The following RARB variants were observed in gnomAD, a reference collection of about 807,000 sequenced individuals.
The protein encoded by RARB is HBV-activated protein.
In RARB, 17 loss-of-function variants were observed where a neutral mutation model predicts 51.9. The ratio of observed to expected loss-of-function variants is 0.33; its 90% CI spans 0.22 to 0.49. The LOEUF (loss-of-function observed/expected upper bound fraction) is 0.49, where lower values mean the gene tolerates loss of function less well. Among genes scored for constraint, RARB ranks in the 20% least tolerant of loss-of-function variants. The probability of loss-of-function intolerance (pLI) is 0.99; values close to 1 mark genes in which losing one functional copy is unlikely to be tolerated. For missense variants in RARB, 369 were observed against 550.8 expected (o/e 0.67, Z 3.30); for synonymous variants, 215 against 195.4 (o/e 1.10, Z -0.84).
intron 5 of RARB, among the ~76,000 whole-genome samples, chr3:25,216,709 T>A (rs1474678036): frequency 6.6e-6 from 1 of 151,728 alleles, no homozygotes; most frequent in Non-Finnish European, 1.5e-5. Flanking sequence ...GTTTTTTTTT[T>A]AGAAGAAACA....
chr3:25,011,263 C>T (rs4241542), intron 2 of RARB, among the ~76,000 whole-genome samples: 92,496 of 151,886 alleles, frequency 0.61, 29,250 homozygotes, highest in African/African-American at 0.78. Context: ...TGCGGAGTTA[C>T]AAAGCAGATC....
chr3:25,071,662 G>A (rs979865552), intron 3 of RARB, among the ~76,000 whole-genome samples: 7 of 152,296 alleles, frequency 4.6e-5, no homozygotes, highest in Admixed American at 1.3e-4. Context: ...AATGAATTAT[G>A]GAATGCTGAT....
At chr3:25,360,740 C>T (rs1705906582) in intron 5 of RARB, among the ~76,000 whole-genome samples, 1 of 151,760 alleles carries the variant, frequency 6.6e-6, no homozygotes, top group South Asian at 2.1e-4. Flanking sequence ...ACTTATAAAG[C>T]TTAGTTTGGC....
At chr3:25,059,432 C>T (rs190368429) in intron 2 of RARB, among the ~76,000 whole-genome samples, 1 of 151,860 alleles carries the variant, frequency 6.6e-6, no homozygotes, top group Non-Finnish European at 1.5e-5. Context: ...TATGTCCACT[C>T]TCACCATACC....
chr3:24,957,226 C>G (rs1201812957), intron 2 of RARB, among the ~76,000 whole-genome samples: 1 of 152,152 alleles, frequency 6.6e-6, no homozygotes, highest in East Asian at 1.9e-4. Flanking sequence ...CTAGTTGTTT[C>G]CAAATATATT....
At chr3:25,309,435 G>A (rs1313156445) in intron 5 of RARB, among the ~76,000 whole-genome samples, 4 of 141,334 alleles carry the variant, frequency 2.8e-5, no homozygotes, top group East Asian at 2.1e-4. Flanking sequence ...CACCATGCCC[G>A]GCCTCCTCTA....
At chr3:24,873,138 C>CATGCCCTG (rs1702978405) in intron 2 of RARB, among the ~76,000 whole-genome samples, 1 of 152,238 alleles carries the variant, frequency 6.6e-6, no homozygotes, top group South Asian at 2.1e-4. Flanking sequence ...AGATTTGGCC[C>CATGCCCTG]ATGCCCTGTG....
chr3:25,306,419 G>C (rs1320126086), intron 5 of RARB, among the ~76,000 whole-genome samples: 1 of 151,438 alleles, frequency 6.6e-6, no homozygotes, highest in Non-Finnish European at 1.5e-5. Context: ...TTCATTTTCT[G>C]TTTACATGTA....
intron 3 of RARB, among the ~76,000 whole-genome samples, chr3:25,120,504 GAAATAT>G (rs1699765221): frequency 1.4e-5 from 2 of 138,292 alleles, no homozygotes; most frequent in Admixed American, 7.2e-5. Context: ...CAGCCAAAAA[GAAATAT>G]AAATATATAT....
intron 5 of RARB, among the ~76,000 whole-genome samples, chr3:25,250,134 G>A (rs1321701483): frequency 2.6e-5 from 4 of 152,182 alleles, no homozygotes; most frequent in African/African-American, 9.7e-5. Context: ...CAGGCCTGCA[G>A]GTGGCATGTA....
At chr3:25,099,323 T>C (rs1699356106) in intron 3 of RARB, among the ~76,000 whole-genome samples, 1 of 152,122 alleles carries the variant, frequency 6.6e-6, no homozygotes. Context: ...TTGAGGACAT[T>C]TATAGGATTT....
At chr3:24,950,512 G>A (rs899152564) in intron 2 of RARB, among the ~76,000 whole-genome samples, 6 of 152,020 alleles carry the variant, frequency 3.9e-5, no homozygotes, top group Non-Finnish European at 7.4e-5. Flanking sequence ...GTTTTTTCTG[G>A]TTCAGGAAAT....
chr3:24,846,884 A>T (rs1239368475), intron 1 of RARB, among the ~76,000 whole-genome samples: 1 of 151,966 alleles, frequency 6.6e-6, no homozygotes, highest in Non-Finnish European at 1.5e-5. Flanking sequence ...AAAAAAAAAA[A>T]GGAAGAGAAG....
chr3:25,491,721 G>A (rs776219201), intron 2 of RARB, among the ~76,000 whole-genome samples: 21 of 152,082 alleles, frequency 1.4e-4, no homozygotes, highest in Admixed American at 6.6e-4. Context: ...CAGGCAAATC[G>A]TTCGAGGCCA....
chr3:25,112,108 T>C (rs1432738536), intron 3 of RARB, among the ~76,000 whole-genome samples: 1 of 152,178 alleles, frequency 6.6e-6, no homozygotes, highest in Admixed American at 6.5e-5. Context: ...TAATTTTAAA[T>C]AAAAGAACAG....
chr3:24,894,609 ATTC>A (rs1703444431), intron 2 of RARB, among the ~76,000 whole-genome samples: 1 of 152,128 alleles, frequency 6.6e-6, no homozygotes, highest in Admixed American at 6.5e-5. Flanking sequence ...GTAATGATTT[ATTC>A]TTTTGAATAT....
chr3:25,470,643 A>C (rs1695639433), intron 2 of RARB, among the ~76,000 whole-genome samples: 2 of 152,242 alleles, frequency 1.3e-5, no homozygotes, highest in South Asian at 4.1e-4. Context: ...TTTATTTTGC[A>C]TAACCCTATA....
At chr3:25,189,158 A>G (rs1489942249) in intron 5 of RARB, among the ~76,000 whole-genome samples, 1 of 152,098 alleles carries the variant, frequency 6.6e-6, no homozygotes, top group Non-Finnish European at 1.5e-5. Flanking sequence ...TGTGTTTTTA[A>G]TATCATCCCT....
At chr3:25,411,421 C>A (rs1347770103) in intron 5 of RARB, among the ~76,000 whole-genome samples, 2 of 152,200 alleles carry the variant, frequency 1.3e-5, no homozygotes, top group Admixed American at 6.5e-5. Flanking sequence ...CTTGGGAGAT[C>A]CAGTGCATGT....
Sources: allele counts gnomAD v4.1 joint callset (sites outside exome capture counted in the v4.1 genomes callset), GRCh38; gene constraint gnomAD v4.1.1; transcripts MANE v1.5; gene names NCBI Gene and HGNC (gene_info 2026-07-23, HGNC 2026-07-21).